Variants in KLHL26 observed in about 807,000 individuals in gnomAD.
KLHL26 encodes kelch like family member 26, also known as kelch-like protein 26.
Under a neutral mutation model 7.1 loss-of-function variants are expected in KLHL26, and 4 were observed. The observed-to-expected ratio is 0.56, with a 90% CI of 0.28 to 1.28. The LOEUF (loss-of-function observed/expected upper bound fraction) is 1.28. Among genes scored for constraint, KLHL26 ranks in the 50% most tolerant of loss-of-function variants. KLHL26 has a pLI of 0.11. For synonymous variants in KLHL26, 465 were observed against 414.1 expected (o/e 1.12, Z -1.49); for missense variants, 896 against 924.6 (o/e 0.97, Z 0.40).
In KLHL26 at chr19:18,668,383, A is replaced by G; in HGVS notation, c.986A>G (p.Lys329Arg). Residue 329 changes from lysine (K) to arginine (R), a missense_variant, in exon 3 of 3, where the codon AAG becomes AGG. Lys to Arg is a conservative substitution (Grantham distance 26, BLOSUM62 2). Transcript: ENST00000300976. ...YTDSDRSVSS[K>R]VYQLPEPGAR... The stretch of plus-strand genomic sequence containing the variant: ...GACAGCGACCGCTCGGTCAGCAGCA[A>G]GGTCTACCAGCTGCCTGAGCCGGGA... The G allele has an allele frequency of 6.2e-7, 1 of 1,607,920 alleles. No homozygotes were observed. Among genetic ancestry groups the G allele is most frequent in the South Asian group, 1.1e-5 (1 of 90,962 alleles).
intron 1 of KLHL26, among the ~76,000 whole-genome samples, chr19:18,638,580 C>T (rs1976658672): frequency 6.6e-6 from 1 of 152,150 alleles, no homozygotes; most frequent in South Asian, 2.1e-4. Flanking sequence ...CAGGGAGTGG[C>T]CAGGGCTTGA....
chr19:18,669,323 A>G lies in KLHL26; in HGVS notation c.*78A>G. 2 of 1,180,998 alleles carry G rather than the reference A, an allele frequency of 1.7e-6. No homozygotes were observed. The highest frequency in any genetic ancestry group is 2.4e-6 in the Non-Finnish European group (2 of 824,130). 73.2% of individuals were successfully genotyped at this position (1,180,998 alleles called of 1,614,324 possible). On this transcript the variant is annotated 3_prime_UTR_variant, in exon 3 of 3. Coordinates refer to ENST00000300976, the MANE Select transcript of KLHL26 (RefSeq NM_018316.3). Reference sequence around the variant, plus strand: ...CTTGGCGAATGCACGTCTGCCTGAGAACCCCAGTGCCCCCCTTCGCCCGGG... The same window carrying G: ...CTTGGCGAATGCACGTCTGCCTGAGGACCCCAGTGCCCCCCTTCGCCCGGG...
rs371963595 is a variant in KLHL26, at chr19:18,653,071, C to G, written c.84-11190C>G. On this transcript the variant is annotated intron_variant, in intron 1 of 2. Transcript: ENST00000300976. ...GTCCCAAGTGGGTGGGTCCTATGAT[C>G]ATCACCATGATGCAGATGGGGAGAC... Among the ~76,000 whole-genome samples, 43 of 152,194 alleles carry G rather than the reference C, an allele frequency of 2.8e-4. 1 individual carries two copies. The highest frequency in any genetic ancestry group is 9.9e-4 in the African/African-American group (41 of 41,512).
At chr19:18,640,169 C>A (rs192606634) in intron 1 of KLHL26, among the ~76,000 whole-genome samples, 1 of 151,776 alleles carries the variant, frequency 6.6e-6, no homozygotes, top group Non-Finnish European at 1.5e-5. Flanking sequence ...TCTGTGTGGA[C>A]GTATATTTTC....
intron 1 of KLHL26, among the ~76,000 whole-genome samples, chr19:18,652,589 CAAAAAA>C (rs5827418): frequency 1.1e-5 from 1 of 87,650 alleles, no homozygotes; most frequent in Non-Finnish European, 2.3e-5. Flanking sequence ...GACTCCATCT[CAAAAAA>C]AAAAAAAAAA....
Position 18,668,116 on chromosome 19 carries a change from G to C in KLHL26, c.719G>C (p.Arg240Pro), listed in dbSNP as rs746579789. 1.2e-6 allele frequency: 2 copies of C among 1,601,224 alleles called. No homozygotes were observed. Among genetic ancestry groups the C allele is most frequent in the African/African-American group, 1.3e-5 (1 of 74,850 alleles). Residue 240 changes from arginine to proline, a missense_variant, in exon 3 of 3, where the codon CGG becomes CCG. Transcript: ENST00000300976. The part of the protein sequence containing the change: ...AVRWLQHDPA[R>P]RPRASHVLCH... ...CGCTGGCTGCAGCATGACCCGGCCC[G>C]GCGGCCGCGCGCCAGCCACGTGCTC...
chr19:18,667,956 T>C lies in KLHL26; in HGVS notation c.559T>C (p.Phe187Leu). 1 of 1,609,524 alleles carries C rather than the reference T, an allele frequency of 6.2e-7. No homozygotes were observed. The highest frequency in any genetic ancestry group is 8.5e-7 in the Non-Finnish European group (1 of 1,179,972). The change falls in exon 3 of 3, where the codon TTC becomes CTC. Residue 187 changes from phenylalanine to leucine, a missense_variant. Coordinates refer to ENST00000300976, the MANE Select transcript of KLHL26 (RefSeq NM_018316.3). ...CTCGCTGCGAGAGTCGGTGGATGCC[T>C]TCACCTTCCGGCACTTCCTGCAGAT... is the stretch of plus-strand genomic sequence containing the variant. The part of the protein sequence containing the change: ...LASLRESVDA[F>L]TFRHFLQIAE...
At chr19:18,654,605 CCATCCGTT>C (rs896289893) in intron 1 of KLHL26, among the ~76,000 whole-genome samples, 112 of 151,784 alleles carry the variant, frequency 7.4e-4, no homozygotes, top group African/African-American at 2.6e-3. Flanking sequence ...ATTCATCCGT[CCATCCGTT>C]CATCCACCCA....
rs1976842373 is a variant in KLHL26, at chr19:18,648,344, C to G, written c.83+11207C>G. Reference sequence around the variant, plus strand: ...CTCCAGCCTGGGCGACAAAGTGAGACTCTGTCTCAAAAAAGAAAGGATCCC... The same window carrying G: ...CTCCAGCCTGGGCGACAAAGTGAGAGTCTGTCTCAAAAAAGAAAGGATCCC... On this transcript the variant is annotated intron_variant, in intron 1 of 2. Transcript: ENST00000300976. The surrounding 1 kb of genome is among the most constrained non-coding windows in gnomAD (Gnocchi z 4.9). 6.6e-6 allele frequency among the ~76,000 whole-genome samples: 1 copy of G among 152,238 alleles called. No homozygotes were observed. Among genetic ancestry groups the G allele is most frequent in the East Asian group, 1.9e-4 (1 of 5,172 alleles).
In KLHL26 at chr19:18,650,118, A is replaced by G. The variant is rs2145382789; in HGVS notation, c.83+12981A>G. Among the ~76,000 whole-genome samples, 1 of 152,268 alleles carries G rather than the reference A, an allele frequency of 6.6e-6. No individual in the cohort carries two copies. The highest frequency in any genetic ancestry group is 2.4e-5 in the African/African-American group (1 of 41,568). On this transcript the variant is annotated intron_variant, in intron 1 of 2. Coordinates refer to ENST00000300976, the MANE Select transcript of KLHL26 (RefSeq NM_018316.3). This position sits in a 1 kb window ranked among gnomAD's most constrained non-coding sequence, Gnocchi z 4.2. The stretch of plus-strand genomic sequence containing the variant: ...TAAAGGCCTGGAGGGGGGTCACCCG[A>G]GGATCGAGGCCGAAGATGTTTACTG...
chr19:18,668,628 C>G lies in KLHL26; in HGVS notation c.1231C>G (p.Leu411Val), dbSNP rs548842451. The change falls in exon 3 of 3, where the codon CTG becomes GTG. Residue 411 changes from leucine (L) to valine (V), a missense_variant. Physicochemically the swap from Leu to Val is conservative, Grantham distance 32. Coordinates refer to ENST00000300976, the MANE Select transcript of KLHL26 (RefSeq NM_018316.3). Reference protein sequence around the residue: ...ESRIQFQLNVLCGMVYATGGR... With the variant: ...ESRIQFQLNVVCGMVYATGGR... The stretch of plus-strand genomic sequence containing the variant: ...CCGCATCCAGTTCCAGCTGAACGTG[C>G]TGTGCGGCATGGTGTACGCCACGGG... 8 of 1,582,278 alleles carry G rather than the reference C, an allele frequency of 5.1e-6. No homozygotes were observed. The African/African-American group carries it at 9.4e-5, about 19-fold the overall frequency.
At chr19:18,639,456 C>T (rs1412435382) in intron 1 of KLHL26, among the ~76,000 whole-genome samples, 1 of 126,376 alleles carries the variant, frequency 7.9e-6, no homozygotes, top group Non-Finnish European at 1.6e-5. Context: ...GTTGCCCAGG[C>T]TGGAGTGCAG....
intron 2 of KLHL26, 133 bp from the exon 3 acceptor site, chr19:18,667,531 G>C: frequency 7.0e-7 from 1 of 1,424,416 alleles, no homozygotes; most frequent in Non-Finnish European, 9.3e-7. Context: ...TGAGCATTCC[G>C]CCTACTTTCC....
intron 1 of KLHL26, among the ~76,000 whole-genome samples, chr19:18,640,328 TG>T (rs1030856596): frequency 2.0e-5 from 3 of 151,748 alleles, no homozygotes; most frequent in African/African-American, 7.3e-5. Flanking sequence ...TCTACCTCCT[TG>T]GGCTCAGGTG....
chr19:18,659,042 C>T (rs1342755066), intron 1 of KLHL26, among the ~76,000 whole-genome samples: 3 of 152,046 alleles, frequency 2.0e-5, no homozygotes, highest in Non-Finnish European at 4.4e-5. Context: ...GGTCTCTGTA[C>T]CCTCTAAGTC....
At chr19:18,637,984 C>T (rs1363166478) in intron 1 of KLHL26, among the ~76,000 whole-genome samples, 1 of 152,164 alleles carries the variant, frequency 6.6e-6, no homozygotes, top group Non-Finnish European at 1.5e-5. Context: ...TCATCAATAA[C>T]TAATGATATG....
At chr19:18,664,985 A>G (rs2145408031) in intron 2 of KLHL26, among the ~76,000 whole-genome samples, 1 of 151,344 alleles carries the variant, frequency 6.6e-6, no homozygotes, top group Middle Eastern at 3.4e-3. Flanking sequence ...AGGGACAGAG[A>G]TGGCCTGTGG....
chr19:18,651,669 C>T (rs1456138527), intron 1 of KLHL26, among the ~76,000 whole-genome samples: 2 of 152,292 alleles, frequency 1.3e-5, no homozygotes, highest in African/African-American at 4.8e-5. Flanking sequence ...AGCCCCGTCC[C>T]TTCTGGGGCT....
In KLHL26 at chr19:18,669,252, A is replaced by G. The variant is rs2052499456; in HGVS notation, c.*7A>G. On this transcript the variant is annotated 3_prime_UTR_variant, in exon 3 of 3. Coordinates refer to ENST00000300976, the MANE Select transcript of KLHL26 (RefSeq NM_018316.3). ...GGCCGGGACCAGGAGGTAGCCCCCA[A>G]GACCCCCGGGACCCTGGCCTGACCG... 5.0e-6 allele frequency: 8 copies of G among 1,603,554 alleles called. No individual in the cohort carries two copies. The highest frequency in any genetic ancestry group is 2.2e-5 in the East Asian group (1 of 44,848).
Sources: allele counts gnomAD v4.1 joint callset (sites outside exome capture counted in the v4.1 genomes callset), GRCh38; gene constraint gnomAD v4.1.1; non-coding constraint Gnocchi (gnomAD v3.1); transcripts MANE v1.5; gene names NCBI Gene and HGNC (gene_info 2026-07-23, HGNC 2026-07-21).